Variants in CAMKMT observed in about 807,000 individuals in gnomAD.
CAMKMT encodes the protein CaM KMT.
In CAMKMT, 53 loss-of-function variants were observed where a neutral mutation model predicts 48.0. That is an observed-to-expected ratio of 1.10 (90% confidence interval 0.89 to 1.39). CAMKMT has a LOEUF of 1.39. CAMKMT is among the 40% of genes most tolerant of loss of function. The pLI is 0.00. For synonymous variants in CAMKMT, 165 were observed against 152.3 expected, an observed-to-expected ratio of 1.08 and a Z score of -0.61; for missense variants, 428 against 402.7, an observed-to-expected ratio of 1.06 and a Z score of -0.54.
intron 2 of CAMKMT, among the ~76,000 whole-genome samples, chr2:44,389,962 C>G (rs1025497756): frequency 1.3e-4 from 20 of 152,080 alleles, no homozygotes; most frequent in Admixed American, 1.3e-3. Flanking sequence ...TTAAGAACTT[C>G]CCTTTACATA....
At chr2:44,371,261 C>T (rs1233566870) in intron 1 of CAMKMT, among the ~76,000 whole-genome samples, 1 of 152,172 alleles carries the variant, frequency 6.6e-6, no homozygotes, top group East Asian at 1.9e-4. Context: ...GCTGGGATTA[C>T]AGGCGTGAGC....
chr2:44,542,496 TACACACACACACACACACAC>T (rs371102222), intron 3 of CAMKMT, among the ~76,000 whole-genome samples: 17 of 134,068 alleles, frequency 1.3e-4, no homozygotes, highest in Admixed American at 7.4e-5. Flanking sequence ...CACATACACA[TACACACACACACACACACAC>T]ACACACACAC....
rs565390736 is a variant in CAMKMT, at chr2:44,736,619, C to T, written c.624-7003C>T. On this transcript the variant is annotated intron_variant, in intron 7 of 10. Transcript: ENST00000378494. Reference sequence around the variant, plus strand: ...TATTTTTTCTGTTGTCTCCCTTCTCCTATTTTTTGAGAAGTCCAGTTTCAC... The same window carrying T: ...TATTTTTTCTGTTGTCTCCCTTCTCTTATTTTTTGAGAAGTCCAGTTTCAC... Among the ~76,000 whole-genome samples the T allele has an allele frequency of 2.6e-5, 4 of 152,276 alleles. No homozygotes were observed. The East Asian group carries it at 7.7e-4, about 29-fold the overall frequency.
chr2:44,383,414 C>T (rs760472464), intron 2 of CAMKMT, among the ~76,000 whole-genome samples: 14 of 152,130 alleles, frequency 9.2e-5, no homozygotes, highest in African/African-American at 1.9e-4. Flanking sequence ...CCGCCTGCCT[C>T]GGCCTCCCAA....
intron 6 of CAMKMT, among the ~76,000 whole-genome samples, chr2:44,708,211 ATTTTTT>A (rs59281575): frequency 1.3e-4 from 9 of 68,180 alleles, no homozygotes; most frequent in African/African-American, 2.3e-4. Context: ...TTTGCTTTGG[ATTTTTT>A]TTTTTTTTTT....
At chr2:44,623,602 T>C (rs1274410515) in intron 3 of CAMKMT, among the ~76,000 whole-genome samples, 3 of 152,228 alleles carry the variant, frequency 2.0e-5, no homozygotes, top group Non-Finnish European at 1.5e-5. Context: ...TCCTTGCTTG[T>C]TTTTGTCAAC....
intron 3 of CAMKMT, among the ~76,000 whole-genome samples, chr2:44,393,048 G>A (rs936240597): frequency 1.3e-5 from 2 of 152,028 alleles, no homozygotes; most frequent in Admixed American, 1.3e-4. Flanking sequence ...GTAAAAAAAG[G>A]TATGGTCATG....
At chr2:44,499,471 T>C (rs1392282839) in intron 3 of CAMKMT, among the ~76,000 whole-genome samples, 6 of 152,214 alleles carry the variant, frequency 3.9e-5, no homozygotes, top group Admixed American at 3.9e-4. Flanking sequence ...TGCTCTCTAG[T>C]GTGAAGGACA....
In CAMKMT at chr2:44,531,319, C is replaced by T. The variant is rs188184947; in HGVS notation, c.376+141014C>T. The stretch of plus-strand genomic sequence containing the variant: ...GAAATATATGGCTCTACTTACACAA[C>T]GTTTTATGTGGTTTTTCTTTTAAAA... On this transcript the variant is annotated intron_variant, in intron 3 of 10. Coordinates refer to ENST00000378494, the MANE Select transcript of CAMKMT (RefSeq NM_024766.5). 2.3e-3 allele frequency among the ~76,000 whole-genome samples: 356 copies of T among 152,144 alleles called. 1 individual carries two copies. Among genetic ancestry groups the T allele is most frequent in the African/African-American group, 8.3e-3 (344 of 41,534 alleles).
chr2:44,556,359 G>A (rs1199296572), intron 3 of CAMKMT, among the ~76,000 whole-genome samples: 1 of 150,770 alleles, frequency 6.6e-6, no homozygotes. Context: ...GGCTGTTCTT[G>A]AACTCCTGAC....
chr2:44,631,832 T>C (rs1250853903), intron 3 of CAMKMT: 1 of 259,532 alleles, frequency 3.9e-6, no homozygotes, highest in Non-Finnish European at 7.2e-6. Flanking sequence ...CAGTTTTCTC[T>C]ACTCTTGGTT....
At chr2:44,602,879 C>T (rs1225828357) in intron 3 of CAMKMT, among the ~76,000 whole-genome samples, 2 of 151,970 alleles carry the variant, frequency 1.3e-5, no homozygotes, top group Non-Finnish European at 2.9e-5. Flanking sequence ...AGAGACAAAT[C>T]GTATCACCTG....
At chr2:44,611,188 T>C (rs965090595) in intron 3 of CAMKMT, among the ~76,000 whole-genome samples, 41 of 152,028 alleles carry the variant, frequency 2.7e-4, no homozygotes, top group Non-Finnish European at 1.0e-4. Context: ...TCCCAGCACT[T>C]TGGGAGGCTG....
intron 6 of CAMKMT, among the ~76,000 whole-genome samples, chr2:44,714,007 C>G (rs1204234663): frequency 6.6e-6 from 1 of 152,096 alleles, no homozygotes; most frequent in African/African-American, 2.4e-5. Context: ...GTAAACCTGC[C>G]TTATTCCAAA....
chr2:44,489,646 A>G (rs772082246), intron 3 of CAMKMT, among the ~76,000 whole-genome samples: 9 of 152,212 alleles, frequency 5.9e-5, no homozygotes, highest in Non-Finnish European at 1.0e-4. Context: ...ACAGGAAAAT[A>G]AAACCTTGCA....
At chr2:44,661,213 A>T (rs187329937) in intron 3 of CAMKMT, among the ~76,000 whole-genome samples, 2 of 151,698 alleles carry the variant, frequency 1.3e-5, no homozygotes, top group East Asian at 3.9e-4. Context: ...GAGTGGCATT[A>T]GGTTCAGAAT....
intron 10 of CAMKMT, among the ~76,000 whole-genome samples, chr2:44,768,361 A>ATATATATATATATATATTTT (rs35058824): frequency 1.8e-4 from 21 of 115,708 alleles, no homozygotes; most frequent in African/African-American, 7.8e-4. Context: ...ATATATATAT[A>ATATATATATATATATATTTT]TTTTTTTTTT....
chr2:44,410,570 T>C (rs1431144866), intron 3 of CAMKMT, among the ~76,000 whole-genome samples: 1 of 152,056 alleles, frequency 6.6e-6, no homozygotes, highest in Non-Finnish European at 1.5e-5. Flanking sequence ...CAATCAACCC[T>C]GAAATTCCAA....
intron 3 of CAMKMT, among the ~76,000 whole-genome samples, chr2:44,414,060 G>A (rs1156494291): frequency 6.6e-6 from 1 of 152,158 alleles, no homozygotes; most frequent in African/African-American, 2.4e-5. Flanking sequence ...TACATTGGCA[G>A]GATAACTTGA....
Sources: gnomAD v4.1 joint callset for allele counts (sites outside exome capture counted in the v4.1 genomes callset) on GRCh38, gnomAD v4.1.1 for gene constraint, MANE v1.5 for transcripts, NCBI Gene and HGNC (gene_info 2026-07-23, HGNC 2026-07-21) for gene names.